RAB3IP: variants seen among roughly 807,000 people sequenced by gnomAD.
The protein encoded by RAB3IP is rab-3A-interacting protein.
In RAB3IP, 36 loss-of-function variants were observed where a neutral mutation model predicts 59.1. That is an observed-to-expected ratio of 0.61 (90% CI 0.47 to 0.80). RAB3IP has a LOEUF of 0.80. Ranked by LOEUF, RAB3IP falls within the 30% of genes least tolerant of loss-of-function variation. RAB3IP has a pLI of 0.00. For missense variants in RAB3IP, 511 were observed against 536.0 expected, an observed-to-expected ratio of 0.95 and a Z score of 0.46; for synonymous variants, 207 against 191.2, an observed-to-expected ratio of 1.08 and a Z score of -0.68.
At chr12:69,750,543 GT>G (rs11304094) in intron 1 of RAB3IP, among the ~76,000 whole-genome samples, 46,249 of 116,266 alleles carry the variant, frequency 0.4, 7,742 homozygotes, top group Admixed American at 0.45. Flanking sequence ...CCTCTACCTC[GT>G]TTTTTTTTTT....
At position 69,822,285 on chromosome 12, in the gene RAB3IP, A is replaced by G. The variant is rs1378682817; in HGVS notation, c.*6839A>G. On this transcript the variant is annotated 3_prime_UTR_variant, in exon 11 of 11. Coordinates refer to ENST00000247833, the MANE Select transcript of RAB3IP (RefSeq NM_022456.5). ...TTTTACATCGCGTGCTTCAGGCTTT[A>G]CTACAGCCTACCTGGATTTTGCAGT... is the stretch of plus-strand genomic sequence containing the variant. The G allele has an allele frequency of 6.6e-6, 1 of 152,196 alleles. No homozygotes were observed. Among genetic ancestry groups the G allele is most frequent in the East Asian group, 1.9e-4 (1 of 5,196 alleles). 9.4% of individuals were successfully genotyped at this position (152,196 alleles called of 1,614,324 possible). A position where few individuals can be genotyped will look rare whatever the true frequency, so the allele number is the denominator to read the frequency against.
At chr12:69,751,950 CT>C (rs1397267002) in intron 1 of RAB3IP, among the ~76,000 whole-genome samples, 2 of 149,392 alleles carry the variant, frequency 1.3e-5, no homozygotes, top group East Asian at 3.9e-4. Flanking sequence ...ATTTTTCACT[CT>C]GTCATCTCTC....
intron 8 of RAB3IP, among the ~76,000 whole-genome samples, chr12:69,802,667 G>C (rs1216408435): frequency 6.6e-6 from 1 of 152,228 alleles, no homozygotes; most frequent in African/African-American, 2.4e-5. Context: ...ACTGACTGCT[G>C]TCAGGGTTAT....
chr12:69,762,779 A>G, intron 3 of RAB3IP, among the ~76,000 whole-genome samples: 1 of 142,966 alleles, frequency 7.0e-6, no homozygotes, highest in African/African-American at 2.6e-5. Context: ...AAAAAAAAAA[A>G]GAAAAAAGAG....
chr12:69,740,997 G>C (rs1017090416), intron 1 of RAB3IP, among the ~76,000 whole-genome samples: 3 of 152,192 alleles, frequency 2.0e-5, no homozygotes, highest in African/African-American at 7.2e-5. Context: ...CATTTAACCT[G>C]TTTGAGCTTA....
At chr12:69,739,885 A>G (rs1414655036) in intron 1 of RAB3IP, 1 of 1,613,688 alleles carries the variant, frequency 6.2e-7, no homozygotes, top group Non-Finnish European at 8.5e-7. Flanking sequence ...GTCTTGAAAG[A>G]CACGAGCGCT....
intron 4 of RAB3IP, among the ~76,000 whole-genome samples, chr12:69,794,173 A>G (rs890663222): frequency 3.9e-5 from 6 of 152,282 alleles, no homozygotes; most frequent in Non-Finnish European, 1.5e-5. Flanking sequence ...CGTCACATTC[A>G]CAGTCCTTAC....
intron 3 of RAB3IP, among the ~76,000 whole-genome samples, chr12:69,771,096 G>A (rs1873035338): frequency 1.3e-5 from 2 of 152,194 alleles, no homozygotes; most frequent in Admixed American, 6.5e-5. Context: ...ATATGAGTGA[G>A]ATCATGCAAT....
intron 8 of RAB3IP, among the ~76,000 whole-genome samples, chr12:69,804,055 A>G (rs576635645): frequency 7.4e-4 from 112 of 152,170 alleles, no homozygotes; most frequent in African/African-American, 2.5e-3. Flanking sequence ...CTAGTTCTAG[A>G]TCCCTGAGGA....
intron 3 of RAB3IP, among the ~76,000 whole-genome samples, chr12:69,772,998 T>G (rs926395188): frequency 6.6e-6 from 1 of 152,184 alleles, no homozygotes; most frequent in Non-Finnish European, 1.5e-5. Flanking sequence ...ATTGAATTCC[T>G]TCAGCTTTTG....
intron 3 of RAB3IP, among the ~76,000 whole-genome samples, chr12:69,780,974 C>T (rs1195265854): frequency 6.6e-6 from 1 of 152,134 alleles, no homozygotes; most frequent in Non-Finnish European, 1.5e-5. Flanking sequence ...ATTTTAGTTA[C>T]AAGTATTATC....
chr12:69,753,053 TGAA>T (rs934726220), intron 1 of RAB3IP, among the ~76,000 whole-genome samples: 1 of 152,234 alleles, frequency 6.6e-6, no homozygotes, highest in African/African-American at 2.4e-5. Context: ...AGTTTCATTT[TGAA>T]GAATAAATCA....
At chr12:69,752,433 G>T (rs1304612268) in intron 1 of RAB3IP, among the ~76,000 whole-genome samples, 2 of 151,730 alleles carry the variant, frequency 1.3e-5, no homozygotes, top group African/African-American at 4.8e-5. Context: ...ACTTCATAGC[G>T]ATACATGGAT....
At chr12:69,752,902 TA>T (rs1397287272) in intron 1 of RAB3IP, among the ~76,000 whole-genome samples, 1 of 152,220 alleles carries the variant, frequency 6.6e-6, no homozygotes, top group Non-Finnish European at 1.5e-5. Context: ...TATGTGGGTA[TA>T]TGGATTATGA....
intron 8 of RAB3IP, among the ~76,000 whole-genome samples, chr12:69,808,552 G>A (rs1379005579): frequency 6.6e-6 from 1 of 152,148 alleles, no homozygotes; most frequent in Non-Finnish European, 1.5e-5. Flanking sequence ...CTCTTTGTAG[G>A]TCACTAAGGA....
At chr12:69,810,583 A>G (rs1267005337) in intron 8 of RAB3IP, among the ~76,000 whole-genome samples, 2 of 152,196 alleles carry the variant, frequency 1.3e-5, no homozygotes, top group South Asian at 2.1e-4. Flanking sequence ...AGAGCAATAC[A>G]TAACAACTGA....
intron 6 of RAB3IP, chr12:69,796,412 A>G (rs572990452): frequency 1.9e-5 from 7 of 362,256 alleles, no homozygotes; most frequent in Admixed American, 1.9e-4. Flanking sequence ...ATCATTGTAT[A>G]CTGTGAGAAT....
rs1448048741 is a variant in RAB3IP, at chr12:69,817,240, C to A, written c.*1794C>A. On this transcript the variant is annotated 3_prime_UTR_variant, in exon 11 of 11. Coordinates refer to ENST00000247833, the MANE Select transcript of RAB3IP (RefSeq NM_022456.5). The stretch of plus-strand genomic sequence containing the variant: ...ATCAGTATACCCATTAATAATAAAT[C>A]TTTAGTAATCTATAAGGGGAAGAAT... 6.6e-6 allele frequency: 1 copy of A among 152,052 alleles called. No individual in the cohort carries two copies. Among genetic ancestry groups the A allele is most frequent in the Non-Finnish European group, 1.5e-5 (1 of 68,008 alleles). 9.4% of individuals were successfully genotyped at this position (152,052 alleles called of 1,614,324 possible).
intron 6 of RAB3IP, among the ~76,000 whole-genome samples, chr12:69,798,268 T>A (rs892510288): frequency 1.4e-4 from 22 of 152,222 alleles, no homozygotes; most frequent in Non-Finnish European, 2.9e-4. Context: ...ATTTCTCTGA[T>A]GGCCAGTGAT....
Sources: allele counts gnomAD v4.1 joint callset (sites outside exome capture counted in the v4.1 genomes callset), GRCh38; gene constraint gnomAD v4.1.1; transcripts MANE v1.5; gene names NCBI Gene and HGNC (gene_info 2026-07-23, HGNC 2026-07-21).